Variants in FOXK2 observed in about 807,000 individuals in gnomAD.
FOXK2 encodes forkhead box K2.
Under a neutral mutation model 53.3 loss-of-function variants are expected in FOXK2, and 24 were observed. The ratio of observed to expected loss-of-function variants is 0.45; its 90% CI spans 0.33 to 0.63. FOXK2 has a LOEUF of 0.63. FOXK2 is among the 30% of genes least tolerant of loss of function. The probability of loss-of-function intolerance (pLI) is 0.03; values close to 1 mark genes in which losing one functional copy is unlikely to be tolerated. For missense variants in FOXK2, 952 were observed against 910.5 expected, an observed-to-expected ratio of 1.05 and a Z score of -0.59; for synonymous variants, 505 against 407.1, an observed-to-expected ratio of 1.24 and a Z score of -2.89.
chr17:82,601,409 G>T lies in FOXK2; in HGVS notation c.1893G>T (p.Arg631=), dbSNP rs752400373. Residue 631 remains arginine, a synonymous_variant, in exon 9 of 9, where the codon CGG becomes CGT. Coordinates refer to ENST00000335255, the MANE Select transcript of FOXK2 (RefSeq NM_004514.4). ...GDQPEQPELK[R]IKTEDGEGIV... is the part of the protein sequence containing the mutation. ...AGCCGGAGCAGCCGGAGCTGAAGCG[G>T]ATCAAGACAGAAGACGGCGAGGGCA... 3.7e-6 allele frequency: 6 copies of T among 1,613,094 alleles called. No homozygotes were observed. Among genetic ancestry groups the T allele is most frequent in the African/African-American group, 1.3e-5 (1 of 74,938 alleles).
chr17:82,561,752 C>G (rs1158206071), intron 1 of FOXK2, among the ~76,000 whole-genome samples: 1 of 152,214 alleles, frequency 6.6e-6, no homozygotes, highest in Non-Finnish European at 1.5e-5. Flanking sequence ...GGAGACGTCC[C>G]TGAAGCGGGA....
intron 4 of FOXK2, among the ~76,000 whole-genome samples, chr17:82,574,683 C>T (rs2044962925): frequency 6.6e-6 from 1 of 152,204 alleles, no homozygotes; most frequent in Non-Finnish European, 1.5e-5. Context: ...CTGACCCTCA[C>T]GGGCTCTTCC....
chr17:82,586,449 CCG>C (rs1491315827), intron 7 of FOXK2, among the ~76,000 whole-genome samples: 885 of 3,020 alleles, frequency 0.29, 192 homozygotes, highest in Middle Eastern at 0.33. Context: ...CAAAGGTGGG[CCG>C]GGGGGGGAAA....
chr17:82,557,630 C>T (rs996586438), intron 1 of FOXK2, among the ~76,000 whole-genome samples: 2 of 152,110 alleles, frequency 1.3e-5, no homozygotes, highest in African/African-American at 4.8e-5. Flanking sequence ...CAGGTGTGAG[C>T]CACTGTGTCC....
chr17:82,555,198 G>A (rs1567972567), intron 1 of FOXK2, among the ~76,000 whole-genome samples: 1 of 152,170 alleles, frequency 6.6e-6, no homozygotes, highest in Non-Finnish European at 1.5e-5. Context: ...TGCAGGGCCA[G>A]GGAAGAGGCA....
chr17:82,587,855 G>A (rs2045207937), intron 8 of FOXK2, among the ~76,000 whole-genome samples: 1 of 152,216 alleles, frequency 6.6e-6, no homozygotes, highest in Non-Finnish European at 1.5e-5. Flanking sequence ...TTGGGGCCTG[G>A]CTCAGGTGTG....
rs759104078 is a variant in FOXK2 at position 82,586,103 on chromosome 17, G to C, written c.1479G>C (p.Thr493=). 11 of 1,612,726 alleles carry C rather than the reference G, an allele frequency of 6.8e-6. No homozygotes were observed. Among genetic ancestry groups the C allele is most frequent in the South Asian group, 2.2e-5 (2 of 91,076 alleles). ...TGGCCGGACTGGCCCCAGCGAACACGTACACTGTCTCTGGACAAGCTGTGG... is the reference window on the plus strand; with the variant it reads ...TGGCCGGACTGGCCCCAGCGAACACCTACACTGTCTCTGGACAAGCTGTGG... The part of the protein sequence containing the change: ...TSVAGLAPAN[T]YTVSGQAVVT... The change falls in exon 7 of 9, where the codon ACG becomes ACC. Residue 493 remains threonine (T), a synonymous_variant. Transcript: ENST00000335255.
intron 4 of FOXK2, among the ~76,000 whole-genome samples, chr17:82,572,463 C>T (rs1211613478): frequency 6.6e-6 from 1 of 151,172 alleles, no homozygotes; most frequent in Non-Finnish European, 1.5e-5. Context: ...GCAAAATATT[C>T]CCTTTGGTCA....
At chr17:82,542,712 A>C (rs2044586499) in intron 1 of FOXK2, among the ~76,000 whole-genome samples, 1 of 152,108 alleles carries the variant, frequency 6.6e-6, no homozygotes, top group South Asian at 2.1e-4. Context: ...AGTATTACCA[A>C]GGGCTTGGTC....
At chr17:82,540,156 C>T (rs181463743) in intron 1 of FOXK2, among the ~76,000 whole-genome samples, 75 of 152,068 alleles carry the variant, frequency 4.9e-4, no homozygotes, top group African/African-American at 1.7e-3. Flanking sequence ...TGGCGGATGC[C>T]TGTAATCCTG....
At chr17:82,576,846 C>A in intron 4 of FOXK2, 1 of 541,010 alleles carries the variant, frequency 1.8e-6, no homozygotes, top group Non-Finnish European at 3.3e-6. Flanking sequence ...AGCTGTTCTT[C>A]AATATATTTT....
rs1329419562 is a variant in FOXK2, at chr17:82,601,417, C to G, written c.1901C>G (p.Thr634Arg). 2 of 1,612,998 alleles carry G rather than the reference C, an allele frequency of 1.2e-6. No individual in the cohort carries two copies. Among genetic ancestry groups the G allele is most frequent in the South Asian group, 2.2e-5 (2 of 91,064 alleles). Reference protein sequence around the residue: ...PEQPELKRIKTEDGEGIVIAL... With the variant: ...PEQPELKRIKREDGEGIVIAL... ...CAGCCGGAGCTGAAGCGGATCAAGA[C>G]AGAAGACGGCGAGGGCATCGTCATT... The change falls in exon 9 of 9, where the codon ACA becomes AGA. Residue 634 changes from threonine to arginine, a missense_variant. Physicochemically the swap from Thr to Arg is moderately conservative, Grantham distance 71. Coordinates refer to ENST00000335255, the MANE Select transcript of FOXK2 (RefSeq NM_004514.4).
intron 1 of FOXK2, among the ~76,000 whole-genome samples, chr17:82,524,637 G>C (rs979009347): frequency 6.6e-6 from 1 of 152,210 alleles, no homozygotes; most frequent in African/African-American, 2.4e-5. Context: ...GCTTCTTCAA[G>C]TCCTTGATTT....
chr17:82,562,333 C>A (rs956562582), intron 1 of FOXK2, among the ~76,000 whole-genome samples: 2 of 152,180 alleles, frequency 1.3e-5, no homozygotes, highest in Non-Finnish European at 2.9e-5. Context: ...GTAATCCCAG[C>A]ACTTTGGGAA....
chr17:82,529,952 A>G (rs1017668035), intron 1 of FOXK2, among the ~76,000 whole-genome samples: 1 of 152,194 alleles, frequency 6.6e-6, no homozygotes, highest in Non-Finnish European at 1.5e-5. Flanking sequence ...AGTTACATTG[A>G]TACAGATATT....
intron 8 of FOXK2, among the ~76,000 whole-genome samples, chr17:82,587,758 G>T (rs374538962): frequency 6.6e-6 from 1 of 152,190 alleles, no homozygotes; most frequent in African/African-American, 2.4e-5. Flanking sequence ...GAACCTCCGC[G>T]CCGACACCGG....
intron 1 of FOXK2, among the ~76,000 whole-genome samples, chr17:82,532,285 C>T (rs1431777166): frequency 1.3e-5 from 2 of 151,962 alleles, no homozygotes; most frequent in Non-Finnish European, 2.9e-5. Context: ...GCTGGGATTA[C>T]CAGCACCCGA....
intron 4 of FOXK2, among the ~76,000 whole-genome samples, chr17:82,574,290 T>C (rs536055714): frequency 1.3e-5 from 2 of 151,992 alleles, no homozygotes; most frequent in East Asian, 3.9e-4. Flanking sequence ...TTTCTCCAGA[T>C]TCCTCCTAGT....
chr17:82,560,440 T>C (rs1282400769), intron 1 of FOXK2, among the ~76,000 whole-genome samples: 3 of 152,180 alleles, frequency 2.0e-5, no homozygotes, highest in Non-Finnish European at 4.4e-5. Flanking sequence ...CTCGCTGTTA[T>C]TTAAGGGAAG....
Sources: allele counts gnomAD v4.1 joint callset (sites outside exome capture counted in the v4.1 genomes callset), GRCh38; gene constraint gnomAD v4.1.1; transcripts MANE v1.5; gene names NCBI Gene and HGNC (gene_info 2026-07-23, HGNC 2026-07-21).